The following USP38 variants were observed in gnomAD, a reference collection of about 807,000 sequenced individuals.
USP38 encodes the protein ubiquitin specific peptidase 38, also known as ubiquitin carboxyl-terminal hydrolase 38.
In USP38, 49 loss-of-function variants were observed where a neutral mutation model predicts 94.3. The observed-to-expected ratio is 0.52, with a 90% CI of 0.41 to 0.66. The LOEUF is 0.66. USP38 is among the 30% of genes least tolerant of loss of function. USP38 has a pLI of 0.00. For synonymous variants in USP38, 468 were observed against 463.6 expected, an observed-to-expected ratio of 1.01 and a Z score of -0.12; for missense variants, 1,128 against 1,229.4, an observed-to-expected ratio of 0.92 and a Z score of 1.23.
intron 2 of USP38, among the ~76,000 whole-genome samples, chr4:143,195,444 A>T (rs893797895): frequency 1.3e-5 from 2 of 152,218 alleles, no homozygotes; most frequent in Admixed American, 6.5e-5. Context: ...TATAGCATAA[A>T]TTTTAAGTTT....
At position 143,210,153 on chromosome 4, in the gene USP38, T is replaced by A. The variant is rs190060550; in HGVS notation, c.1497+496T>A. On this transcript the variant is annotated intron_variant, in intron 7 of 9. Coordinates refer to ENST00000307017, the MANE Select transcript of USP38 (RefSeq NM_032557.6). ...ATCTGTTAAGTTCTAGAGCTTAAAATTTCGTGGTGATCTTTTATGTCCACA... is the reference window on the plus strand; with the variant it reads ...ATCTGTTAAGTTCTAGAGCTTAAAAATTCGTGGTGATCTTTTATGTCCACA... Among the ~76,000 whole-genome samples, 333 of 152,322 alleles carry A rather than the reference T, an allele frequency of 2.2e-3. 1 individual carries two copies. Among genetic ancestry groups the A allele is most frequent in the African/African-American group, 7.9e-3 (328 of 41,576 alleles).
At chr4:143,197,216 C>G (rs941250654) in intron 3 of USP38, among the ~76,000 whole-genome samples, 2 of 152,216 alleles carry the variant, frequency 1.3e-5, no homozygotes, top group African/African-American at 2.4e-5. Context: ...ATGCTCTTGT[C>G]CCAGGTATTT....
chr4:143,193,026 C>G (rs1230889777), intron 2 of USP38, among the ~76,000 whole-genome samples: 2 of 152,144 alleles, frequency 1.3e-5, no homozygotes, highest in Non-Finnish European at 2.9e-5. Flanking sequence ...GCCTTGAGAC[C>G]TGTATTCTGG....
At position 143,186,175 on chromosome 4, in the gene USP38, A is replaced by G. The variant is rs753240171; in HGVS notation, c.682+43A>G. 9 of 1,572,754 alleles carry G rather than the reference A, an allele frequency of 5.7e-6. No homozygotes were observed. The South Asian group carries it at 9.3e-5, about 16-fold the overall frequency. Reference sequence around the variant, plus strand: ...TCAGAATATCTCATAAAAAATCAGTATATGTCTCTCTTGCACACACACATT... The same window carrying G: ...TCAGAATATCTCATAAAAAATCAGTGTATGTCTCTCTTGCACACACACATT... On this transcript the variant is annotated intron_variant, in intron 1 of 9. Coordinates refer to ENST00000307017, the MANE Select transcript of USP38 (RefSeq NM_032557.6).
intron 3 of USP38, 98 bp downstream of exon 3, chr4:143,195,943 T>C: frequency 8.7e-7 from 1 of 1,154,678 alleles, no homozygotes; most frequent in African/African-American, 1.6e-5. Flanking sequence ...ATTTTGAATA[T>C]GTTATTGTTG....
At chr4:143,206,957 A>G (rs755171610) in intron 6 of USP38, among the ~76,000 whole-genome samples, 11 of 152,248 alleles carry the variant, frequency 7.2e-5, no homozygotes, top group African/African-American at 9.6e-5. Context: ...GGCAATAATT[A>G]CTGAACACAT....
chr4:143,186,103 A>G lies in USP38; in HGVS notation c.653A>G (p.Gln218Arg). 5 of 1,614,138 alleles carry G rather than the reference A, an allele frequency of 3.1e-6. No homozygotes were observed. Among genetic ancestry groups the G allele is most frequent in the African/African-American group, 1.3e-5 (1 of 75,046 alleles). Residue 218 changes from glutamine to arginine, a missense_variant, in exon 1 of 10, where the codon CAA becomes CGA. Coordinates refer to ENST00000307017, the MANE Select transcript of USP38 (RefSeq NM_032557.6). ...AEPATLLPSL[Q>R]EVFASISSTD... ...CCTGCCACACTACTGCCTTCCCTGCAAGAAGTTTTTGCAAGCATCTCTTCC... is the reference window on the plus strand; with the variant it reads ...CCTGCCACACTACTGCCTTCCCTGCGAGAAGTTTTTGCAAGCATCTCTTCC...
intron 5 of USP38, among the ~76,000 whole-genome samples, chr4:143,205,253 A>T (rs1221762649): frequency 2.0e-5 from 3 of 152,218 alleles, no homozygotes; most frequent in Non-Finnish European, 2.9e-5. Context: ...GTCAACAACA[A>T]CAAAAATGAG....
At chr4:143,193,158 A>G (rs564241268) in intron 2 of USP38, among the ~76,000 whole-genome samples, 2 of 152,246 alleles carry the variant, frequency 1.3e-5, no homozygotes, top group East Asian at 3.9e-4. Flanking sequence ...CCATATTTAC[A>G]TATATATTCA....
chr4:143,191,649 G>A lies in USP38; in HGVS notation c.818+3688G>A, dbSNP rs542867602. 3.3e-5 allele frequency among the ~76,000 whole-genome samples: 5 copies of A among 152,260 alleles called. 1 individual carries two copies. In the South Asian group the frequency reaches 1.0e-3, roughly 32 times the overall value. ...CTTTTCTTTAGCTATATAAAGAAAT[G>A]CTTTATTTAACAAATTTGAGTTCCT... On this transcript the variant is annotated intron_variant, in intron 2 of 9. Coordinates refer to ENST00000307017, the MANE Select transcript of USP38 (RefSeq NM_032557.6).
chr4:143,199,015 A>T (rs939146813), intron 4 of USP38, among the ~76,000 whole-genome samples: 15 of 152,114 alleles, frequency 9.9e-5, no homozygotes, highest in African/African-American at 3.6e-4. Context: ...ATTCAGGGAA[A>T]CATGAAAGTT....
chr4:143,188,750 A>T lies in USP38; in HGVS notation c.818+789A>T, dbSNP rs533492062. Among the ~76,000 whole-genome samples the T allele has an allele frequency of 3.9e-5, 6 of 151,938 alleles. No individual in the cohort carries two copies. The South Asian group carries it at 1.2e-3, about 31-fold the overall frequency. ...GGCAGTGTTCAAAATGTCCTCAAAC[A>T]AACTGATAAAAATATCTGCCTTTAT... On this transcript the variant is annotated intron_variant, in intron 2 of 9. Coordinates refer to ENST00000307017, the MANE Select transcript of USP38 (RefSeq NM_032557.6).
chr4:143,206,285 A>G, intron 6 of USP38, 59 bp downstream of exon 6: 1 of 1,335,722 alleles, frequency 7.5e-7, no homozygotes, highest in Non-Finnish European at 1.0e-6. Context: ...TGCTGATGAA[A>G]TATAAGATGA....
rs377255117 is a variant in USP38, at chr4:143,203,286, CTG to C, written c.1051-119_1051-118del. On this transcript the variant is annotated intron_variant, in intron 4 of 9. Coordinates refer to ENST00000307017, the MANE Select transcript of USP38 (RefSeq NM_032557.6). Reference sequence around the variant, plus strand: ...GTTTAACTTAATAACAAGAAAAACTCTGTGACTGCACATACAGAAAAGTATCT... The same window carrying C: ...GTTTAACTTAATAACAAGAAAAACTCTGACTGCACATACAGAAAAGTATCT... 56 of 981,762 alleles carry C rather than the reference CTG, an allele frequency of 5.7e-5. No individual in the cohort carries two copies. The African/African-American group carries it at 7.0e-4, about 12-fold the overall frequency. The allele number at this position is 981,762 out of a possible 1,614,324, so 60.8% of individuals were successfully genotyped here. A position where few individuals can be genotyped will look rare whatever the true frequency, so the allele number is the denominator to read the frequency against.
intron 9 of USP38, among the ~76,000 whole-genome samples, chr4:143,218,647 T>C (rs756710115): frequency 6.6e-6 from 1 of 152,172 alleles, no homozygotes; most frequent in Non-Finnish European, 1.5e-5. Context: ...TTTTATATTT[T>C]ATGTCATTCG....
In USP38 at chr4:143,185,608, A is replaced by C; in HGVS notation, c.158A>C (p.Gln53Pro). The C allele has an allele frequency of 6.2e-7, 1 of 1,614,192 alleles. No homozygotes were observed. Among genetic ancestry groups the C allele is most frequent in the Non-Finnish European group, 8.5e-7 (1 of 1,180,040 alleles). The part of the protein sequence containing the change: ...DLTTRLILEG[Q>P]DPFQRQVGHQ... ...ACGACCCGGCTCATCCTGGAGGGCCAGGACCCTTTCCAGCGGCAGGTGGGG... is the reference window on the plus strand; with the variant it reads ...ACGACCCGGCTCATCCTGGAGGGCCCGGACCCTTTCCAGCGGCAGGTGGGG... The change falls in exon 1 of 10, where the codon CAG (glutamine) becomes CCG (proline). Residue 53 changes from glutamine to proline, a missense_variant. Transcript: ENST00000307017.
At chr4:143,207,369 C>G (rs906198424) in intron 6 of USP38, among the ~76,000 whole-genome samples, 1 of 152,166 alleles carries the variant, frequency 6.6e-6, no homozygotes, top group East Asian at 1.9e-4. Flanking sequence ...GAAACCCCGT[C>G]TCTACTAAAA....
At chr4:143,207,192 A>G (rs1020842741) in intron 6 of USP38, among the ~76,000 whole-genome samples, 2 of 152,220 alleles carry the variant, frequency 1.3e-5, no homozygotes, top group African/African-American at 2.4e-5. Flanking sequence ...TTACAAATTA[A>G]GTTCTAAGCT....
rs764100896 is a variant in USP38 at position 143,212,313 on chromosome 4, A to C, written c.1498-5A>C. The C allele has an allele frequency of 5.0e-6, 8 of 1,599,676 alleles. No homozygotes were observed. The highest frequency in any genetic ancestry group is 6.8e-6 in the Non-Finnish European group (8 of 1,174,682). Reference sequence around the variant, plus strand: ...TCCTTATATTTTCTCAATTGCTCTCAAAAGAGGGAAGCATACGCACCTCGG... The same window carrying C: ...TCCTTATATTTTCTCAATTGCTCTCCAAAGAGGGAAGCATACGCACCTCGG... On this transcript the variant is annotated splice_polypyrimidine_tract_variant and splice_region_variant and intron_variant, in intron 7 of 9. Transcript: ENST00000307017.
Sources: gnomAD v4.1 joint callset for allele counts (sites outside exome capture counted in the v4.1 genomes callset) on GRCh38, gnomAD v4.1.1 for gene constraint, MANE v1.5 for transcripts, NCBI Gene and HGNC (gene_info 2026-07-23, HGNC 2026-07-21) for gene names.